Variants in ARHGEF10L observed in about 807,000 individuals in gnomAD.
ARHGEF10L encodes the protein Rho guanine nucleotide exchange factor 10 like.
In ARHGEF10L, 69 loss-of-function variants were observed where a neutral mutation model predicts 141.2. The ratio of observed to expected loss-of-function variants is 0.49; its 90% confidence interval spans 0.40 to 0.60. The LOEUF (loss-of-function observed/expected upper bound fraction) is 0.60, where lower values mean the gene tolerates loss of function less well. Ranked by LOEUF, ARHGEF10L falls within the 20% of genes least tolerant of loss-of-function variation. ARHGEF10L has a pLI of 0.00. For missense variants in ARHGEF10L, 1,482 were observed against 1,734.3 expected (o/e 0.85, Z 2.58); for synonymous variants, 711 against 718.5 (o/e 0.99, Z 0.17).
chr1:17,627,263 G>C lies in ARHGEF10L; in HGVS notation c.1411-67G>C, dbSNP rs569084339. On this transcript the variant is annotated intron_variant, in intron 14 of 28. Coordinates refer to ENST00000361221, the MANE Select transcript of ARHGEF10L (RefSeq NM_018125.4). This position sits in a 1 kb window ranked among gnomAD's most constrained non-coding sequence, Gnocchi z 4.0. ...TGTGTAGGGGGTTGCGCAGGGTGAG[G>C]CTTTGCCCCAGGCTGGGGTAGAGTT... The C allele has an allele frequency of 1.2e-5, 19 of 1,572,858 alleles. No individual in the cohort carries two copies. The highest frequency in any genetic ancestry group is 1.7e-4 in the Middle Eastern group (1 of 5,818).
chr1:17,556,231 G>C (rs1427000457), intron 1 of ARHGEF10L, among the ~76,000 whole-genome samples: 1 of 133,238 alleles, frequency 7.5e-6, no homozygotes, highest in African/African-American at 2.8e-5. Context: ...GAGCACGGAG[G>C]TGAGCCTGGG....
rs370847469 is a variant in ARHGEF10L at position 17,602,163 on chromosome 1, C to T, written c.294C>T (p.Asp98=). ...GGGTGAGCAATGGGGATGCAGCGGACGCAGCCTTCTCCGGGGCCCGGCACT... is the reference window on the plus strand; with the variant it reads ...GGGTGAGCAATGGGGATGCAGCGGATGCAGCCTTCTCCGGGGCCCGGCACT... ...PAWVSNGDAA[D]AAFSGARHSS... Residue 98 remains aspartate (D), a synonymous_variant, in exon 5 of 29, where the codon GAC becomes GAT. Transcript: ENST00000361221. The T allele has an allele frequency of 6.3e-6, 10 of 1,583,270 alleles. No homozygotes were observed. Among genetic ancestry groups the T allele is most frequent in the East Asian group, 4.6e-5 (2 of 43,168 alleles).
chr1:17,604,823 C>G lies in ARHGEF10L; in HGVS notation c.433+1232C>G, dbSNP rs544164533. ...TGGGAGGTCTGAGCGGCTGAGGGGC[C>G]TCAGTTGTTGTTTAACCCATTTGGC... On this transcript the variant is annotated intron_variant, in intron 6 of 28. Transcript: ENST00000361221. 5 of 152,344 alleles carry G rather than the reference C, an allele frequency of 3.3e-5. No individual in the cohort carries two copies. The East Asian group carries it at 9.6e-4, about 29-fold the overall frequency. 9.4% of individuals were successfully genotyped at this position (152,344 alleles called of 1,614,324 possible). A position where few individuals can be genotyped will look rare whatever the true frequency, so the allele number is the denominator to read the frequency against.
intron 26 of ARHGEF10L, among the ~76,000 whole-genome samples, chr1:17,683,171 C>T (rs1260487646): frequency 1.4e-5 from 2 of 138,256 alleles, no homozygotes; most frequent in African/African-American, 5.4e-5. Context: ...CTGCTCTCAC[C>T]GTGGTGCTCA....
chr1:17,621,972 T>TG lies in ARHGEF10L; in HGVS notation c.1020+35dup, dbSNP rs764675707. On this transcript the variant is annotated intron_variant, in intron 11 of 28. Transcript: ENST00000361221. This position sits in a 1 kb window ranked among gnomAD's most constrained non-coding sequence, Gnocchi z 4.1. ...ACTTCAGGGAGTTCTCAAGGGTCTC[T>TG]GGGGAGAAGCAGGGAGGGCCCTGGA... The TG allele has an allele frequency of 6.2e-7, 1 of 1,611,590 alleles. No individual in the cohort carries two copies. The highest frequency in any genetic ancestry group is 1.3e-5 in the African/African-American group (1 of 74,984).
At chr1:17,540,359 C>T (rs2076676977) in intron 1 of ARHGEF10L, among the ~76,000 whole-genome samples, 1 of 151,826 alleles carries the variant, frequency 6.6e-6, no homozygotes, top group South Asian at 2.1e-4. Flanking sequence ...CAGGGAGTGC[C>T]CCTGTCGCCT....
At chr1:17,680,425 G>A (rs1162202112) in intron 26 of ARHGEF10L, among the ~76,000 whole-genome samples, 2 of 152,220 alleles carry the variant, frequency 1.3e-5, no homozygotes, top group Non-Finnish European at 2.9e-5. Context: ...TTGTAGGACT[G>A]GAGGTTGGGC....
chr1:17,687,449 A>C, intron 26 of ARHGEF10L, 124 bp from the exon 27 acceptor site: 2 of 1,082,130 alleles, frequency 1.8e-6, no homozygotes, highest in Non-Finnish European at 2.6e-6. Flanking sequence ...CTGGGCTTCT[A>C]ATGTTCCCTG....
chr1:17,539,560 C>T (rs1557681567), upstream of ARHGEF10L, among the ~76,000 whole-genome samples: 2 of 151,764 alleles, frequency 1.3e-5, no homozygotes, highest in African/African-American at 4.8e-5. The surrounding 1 kb of genome is among the most constrained non-coding windows in gnomAD (Gnocchi z 6.0). Flanking sequence ...GGGCTCGCAG[C>T]GGGTCGGGGG....
intron 1 of ARHGEF10L, among the ~76,000 whole-genome samples, chr1:17,570,078 G>A (rs981123315): frequency 6.6e-6 from 1 of 152,164 alleles, no homozygotes; most frequent in African/African-American, 2.4e-5. Context: ...AGCTGTGGCC[G>A]CCTCCTCCCC....
At chr1:17,683,158 C>T (rs1321511599) in intron 26 of ARHGEF10L, among the ~76,000 whole-genome samples, 3 of 140,412 alleles carry the variant, frequency 2.1e-5, no homozygotes, top group Admixed American at 7.0e-5. Context: ...TGCTCACTGC[C>T]CCCTGCTCTC....
chr1:17,575,181 G>C lies in ARHGEF10L; in HGVS notation c.-43-5372G>C, dbSNP rs145861159. Among the ~76,000 whole-genome samples, 479 of 152,318 alleles carry C rather than the reference G, an allele frequency of 3.1e-3. 4 individuals are homozygous for C. Among genetic ancestry groups the C allele is most frequent in the African/African-American group, 0.011 (445 of 41,560 alleles). The stretch of plus-strand genomic sequence containing the variant: ...CAGAGAGGTCACAGGCTCTTGGGGA[G>C]GGCAACAGTTATAATGGGGCTGTGT... On this transcript the variant is annotated intron_variant, in intron 1 of 28. Coordinates refer to ENST00000361221, the MANE Select transcript of ARHGEF10L (RefSeq NM_018125.4).
the ARHGEF10L span, among the ~76,000 whole-genome samples, chr1:17,527,136 G>A: frequency 6.6e-6 from 1 of 152,156 alleles, no homozygotes; most frequent in African/African-American, 2.4e-5. Flanking sequence ...CTACCGACTT[G>A]TTTCATCTCT....
At chr1:17,649,552 T>C (rs1289804167) in intron 22 of ARHGEF10L, among the ~76,000 whole-genome samples, 1 of 152,170 alleles carries the variant, frequency 6.6e-6, no homozygotes, top group East Asian at 1.9e-4. Context: ...ACTTGTCCAT[T>C]CTGCATGCAA....
chr1:17,696,431 G>A lies in ARHGEF10L; in HGVS notation c.3308-417G>A, dbSNP rs571667370. Among the ~76,000 whole-genome samples, 294 of 152,210 alleles carry A rather than the reference G, an allele frequency of 1.9e-3. 2 individuals are homozygous for A. The highest frequency in any genetic ancestry group is 6.2e-3 in the African/African-American group (259 of 41,504). On this transcript the variant is annotated intron_variant, in intron 28 of 28. Coordinates refer to ENST00000361221, the MANE Select transcript of ARHGEF10L (RefSeq NM_018125.4). ...TCGGGTGACAGGTGCTGGGATGAGGGTGCTCCGGGGGCTGGGGACACAGAG... is the reference window on the plus strand; with the variant it reads ...TCGGGTGACAGGTGCTGGGATGAGGATGCTCCGGGGGCTGGGGACACAGAG...
intron 25 of ARHGEF10L, among the ~76,000 whole-genome samples, chr1:17,659,128 G>A (rs1395581611): frequency 6.6e-6 from 1 of 152,168 alleles, no homozygotes; most frequent in Non-Finnish European, 1.5e-5. Flanking sequence ...CAAGCACTGG[G>A]TTCCCTCTGG....
chr1:17,678,199 G>GTGGT (rs2063845851), intron 26 of ARHGEF10L, among the ~76,000 whole-genome samples: 1 of 152,178 alleles, frequency 6.6e-6, no homozygotes, highest in Non-Finnish European at 1.5e-5. Context: ...CGCAGCAAAG[G>GTGGT]TGGTTGCTGG....
intron 1 of ARHGEF10L, among the ~76,000 whole-genome samples, chr1:17,574,538 G>A (rs957100015): frequency 2.6e-5 from 4 of 152,230 alleles, no homozygotes; most frequent in African/African-American, 9.6e-5. Context: ...GCACCTGACA[G>A]GTAAGCACAG....
intron 1 of ARHGEF10L, among the ~76,000 whole-genome samples, chr1:17,568,023 A>G (rs1250650619): frequency 6.6e-6 from 1 of 152,076 alleles, no homozygotes; most frequent in Non-Finnish European, 1.5e-5. Context: ...TTCCTGTAGC[A>G]CTTCAGTGAG....
Sources: gnomAD v4.1 joint callset for allele counts (sites outside exome capture counted in the v4.1 genomes callset) on GRCh38, gnomAD v4.1.1 for gene constraint, Gnocchi (gnomAD v3.1) non-coding constraint, MANE v1.5 for transcripts, NCBI Gene and HGNC (gene_info 2026-07-23, HGNC 2026-07-21) for gene names.